TMTC2: variants seen among roughly 807,000 people sequenced by gnomAD.
TMTC2 encodes the protein transmembrane O-mannosyltransferase targeting cadherins 2, also known as protein O-mannosyl-transferase TMTC2.
TMTC2 carries 43 observed loss-of-function variants against 82.4 expected under a neutral mutation model. That is an observed-to-expected ratio of 0.52 (90% CI 0.41 to 0.67). TMTC2 has a LOEUF of 0.67. TMTC2 is among the 30% of genes least tolerant of loss of function. The probability of loss-of-function intolerance (pLI) is 0.00; values close to 1 mark genes in which losing one functional copy is unlikely to be tolerated. For synonymous variants in TMTC2, 408 were observed against 381.9 expected (o/e 1.07, Z -0.80); for missense variants, 919 against 1,012.4 (o/e 0.91, Z 1.25).
In TMTC2 at chr12:82,914,982, C is replaced by T. The variant is rs566045071; in HGVS notation, c.1484-15449C>T. The stretch of plus-strand genomic sequence containing the variant: ...GTGGGATTACAGGCATGCACCACCA[C>T]GCCCGGCTAATTTTGTATTTTTAGT... On this transcript the variant is annotated intron_variant, in intron 3 of 11. Transcript: ENST00000321196. Among the ~76,000 whole-genome samples, 173 of 151,986 alleles carry T rather than the reference C, an allele frequency of 1.1e-3. 1 individual carries two copies. Among genetic ancestry groups the T allele is most frequent in the African/African-American group, 4.1e-3 (168 of 41,456 alleles).
At chr12:82,774,536 G>T (rs981863217) in intron 1 of TMTC2, among the ~76,000 whole-genome samples, 1 of 151,842 alleles carries the variant, frequency 6.6e-6, no homozygotes, top group African/African-American at 2.4e-5. Flanking sequence ...CAGGAGAGTT[G>T]CTTGAACTGG....
In TMTC2 at chr12:83,070,780, G is replaced by C. The variant is rs571599022; in HGVS notation, c.2331+8949G>C. Among the ~76,000 whole-genome samples, 12 of 152,250 alleles carry C rather than the reference G, an allele frequency of 7.9e-5. No individual in the cohort carries two copies. The East Asian group carries it at 2.3e-3, about 29-fold the overall frequency. ...TCCTTGTCTTGTTCCAGTTCTCAGA[G>C]GGAATGCTTTCAACTTTTCCCCATT... is the stretch of plus-strand genomic sequence containing the variant. On this transcript the variant is annotated intron_variant, in intron 11 of 11. Coordinates refer to ENST00000321196, the MANE Select transcript of TMTC2 (RefSeq NM_152588.3).
intron 1 of TMTC2, among the ~76,000 whole-genome samples, chr12:82,847,454 C>G (rs559057523): frequency 6.6e-6 from 1 of 152,132 alleles, no homozygotes; most frequent in South Asian, 2.1e-4. Context: ...GGTATATACC[C>G]AAAGGATTAT....
chr12:82,954,018 A>T lies in TMTC2; in HGVS notation c.1599-11006A>T, dbSNP rs189817201. Among the ~76,000 whole-genome samples the T allele has an allele frequency of 1.2e-3, 177 of 152,040 alleles. 1 individual carries two copies. The highest frequency in any genetic ancestry group is 3.6e-3 in the African/African-American group (148 of 41,466). ...TGTTATCTGACTTATTTTGATTATT[A>T]TTTTTTTTGTCCAGGGAATAGCCAG... On this transcript the variant is annotated intron_variant, in intron 4 of 11. Coordinates refer to ENST00000321196, the MANE Select transcript of TMTC2 (RefSeq NM_152588.3).
chr12:82,828,873 A>G (rs916424474), intron 1 of TMTC2, among the ~76,000 whole-genome samples: 28 of 152,226 alleles, frequency 1.8e-4, no homozygotes, highest in African/African-American at 6.3e-4. Flanking sequence ...AAATTTATGT[A>G]TTGCTTAATA....
chr12:83,033,714 G>A (rs1325460959), intron 9 of TMTC2, among the ~76,000 whole-genome samples: 2 of 151,604 alleles, frequency 1.3e-5, no homozygotes, highest in Non-Finnish European at 2.9e-5. Context: ...TCGCACCACT[G>A]CACTCCAGCC....
At chr12:83,056,290 A>G (rs1882539761) in intron 10 of TMTC2, among the ~76,000 whole-genome samples, 1 of 151,896 alleles carries the variant, frequency 6.6e-6, no homozygotes, top group African/African-American at 2.4e-5. Context: ...AGACGTGTGC[A>G]CTTTCCTTTT....
In TMTC2 at chr12:82,690,071, AT is replaced by A. The variant is rs556680733; in HGVS notation, c.83+2403del. ...TAGGAGCACTGAACTTATTTGTTGT[AT>A]GCACAGCCTGTTCAAGTGATTCATT... On this transcript the variant is annotated intron_variant, in intron 1 of 11. Coordinates refer to ENST00000321196, the MANE Select transcript of TMTC2 (RefSeq NM_152588.3). 5.3e-5 allele frequency among the ~76,000 whole-genome samples: 8 copies of A among 152,334 alleles called. No homozygotes were observed. The South Asian group carries it at 1.7e-3, about 32-fold the overall frequency.
intron 11 of TMTC2, among the ~76,000 whole-genome samples, chr12:83,102,582 G>A (rs1448607353): frequency 6.6e-6 from 1 of 152,176 alleles, no homozygotes; most frequent in Non-Finnish European, 1.5e-5. Context: ...TGATACTTCT[G>A]ATAAATAAAC....
intron 9 of TMTC2, among the ~76,000 whole-genome samples, chr12:83,036,871 A>T (rs939497627): frequency 3.9e-5 from 6 of 152,144 alleles, no homozygotes; most frequent in Non-Finnish European, 8.8e-5. Context: ...TCAAAGGGGA[A>T]CAAGAGACAT....
intron 1 of TMTC2, among the ~76,000 whole-genome samples, chr12:82,789,514 G>A (rs1405867322): frequency 1.3e-5 from 2 of 152,086 alleles, no homozygotes; most frequent in African/African-American, 4.8e-5. Context: ...CATCTGGTAT[G>A]ATTAATATTT....
At chr12:83,064,522 G>T (rs895417632) in intron 11 of TMTC2, among the ~76,000 whole-genome samples, 5 of 151,714 alleles carry the variant, frequency 3.3e-5, no homozygotes, top group Non-Finnish European at 7.4e-5. Context: ...CAACAGATGT[G>T]GTTTTTTCCT....
chr12:82,694,585 C>T (rs866530398), intron 1 of TMTC2, among the ~76,000 whole-genome samples: 10 of 152,246 alleles, frequency 6.6e-5, no homozygotes, highest in Middle Eastern at 3.4e-3. Context: ...AAGTGTGGCA[C>T]AGCATGTAGT....
At chr12:82,752,223 G>A (rs149982643) in intron 1 of TMTC2, among the ~76,000 whole-genome samples, 1,921 of 140,158 alleles carry the variant, frequency 0.014, 44 homozygotes, top group African/African-American at 0.048. Flanking sequence ...GGTGACTCAC[G>A]CCTGTAATCC....
chr12:82,792,286 T>G (rs752099664), intron 1 of TMTC2, among the ~76,000 whole-genome samples: 1 of 152,082 alleles, frequency 6.6e-6, no homozygotes, highest in Non-Finnish European at 1.5e-5. Flanking sequence ...TTAGGTGAAA[T>G]TCACATAACA....
At position 83,002,865 on chromosome 12, in the gene TMTC2, G is replaced by T. The variant is rs1592686399; in HGVS notation, c.2070+16819G>T. Among the ~76,000 whole-genome samples the T allele has an allele frequency of 2.6e-5, 4 of 152,010 alleles. No homozygotes were observed. In the South Asian group the frequency reaches 8.3e-4, roughly 32 times the overall value. ...AGTATGTTCTATGTGCAGATGAGAA[G>T]ATTATATATTCTGTGGTTGTTGGGT... On this transcript the variant is annotated intron_variant, in intron 8 of 11. Transcript: ENST00000321196.
rs768363697 is a variant in TMTC2, at chr12:82,857,033, A to T, written c.107A>T (p.Asp36Val). The T allele has an allele frequency of 1.2e-6, 2 of 1,612,708 alleles. No homozygotes were observed. Among genetic ancestry groups the T allele is most frequent in the African/African-American group, 1.3e-5 (1 of 74,858 alleles). ...DDSRAIKTNQ[D>V]LLPETPWTHI... is the part of the protein sequence containing the mutation. ...AGCCGTGCTATCAAGACTAATCAGG[A>T]CCTTCTCCCAGAAACTCCATGGACG... The change falls in exon 2 of 12, where the codon GAC becomes GTC. Residue 36 changes from aspartate (D) to valine (V), a missense_variant. Coordinates refer to ENST00000321196, the MANE Select transcript of TMTC2 (RefSeq NM_152588.3).
chr12:82,751,554 A>T (rs572986552), intron 1 of TMTC2, among the ~76,000 whole-genome samples: 59 of 150,386 alleles, frequency 3.9e-4, no homozygotes, highest in East Asian at 1.5e-3. Flanking sequence ...AAAATAAAAT[A>T]AAATAAAATA....
At chr12:83,036,122 G>A (rs1881652326) in intron 9 of TMTC2, among the ~76,000 whole-genome samples, 1 of 152,080 alleles carries the variant, frequency 6.6e-6, no homozygotes, top group Non-Finnish European at 1.5e-5. Context: ...TGATAATGGT[G>A]ACATAATTCA....
Sources: gnomAD v4.1 joint callset for allele counts (sites outside exome capture counted in the v4.1 genomes callset) on GRCh38, gnomAD v4.1.1 for gene constraint, MANE v1.5 for transcripts, NCBI Gene and HGNC (gene_info 2026-07-23, HGNC 2026-07-21) for gene names.